The following NRXN3 variants were observed in gnomAD, a reference collection of about 807,000 sequenced individuals.
The protein encoded by NRXN3 is neurexin III.
Under a neutral mutation model 137.6 loss-of-function variants are expected in NRXN3, and 32 were observed. The ratio of observed to expected loss-of-function variants is 0.23; its 90% CI spans 0.18 to 0.31. The LOEUF (loss-of-function observed/expected upper bound fraction) is 0.31, where lower values mean the gene tolerates loss of function less well. Among genes scored for constraint, NRXN3 ranks in the 10% least tolerant of loss-of-function variants. The probability of loss-of-function intolerance (pLI) is 1.00; values close to 1 mark genes in which losing one functional copy is unlikely to be tolerated. For missense variants in NRXN3, 1,574 were observed against 2,062.5 expected (o/e 0.76, Z 4.59); for synonymous variants, 798 against 784.5 (o/e 1.02, Z -0.29).
chr14:79,128,617 A>G (rs907956289), intron 15 of NRXN3, among the ~76,000 whole-genome samples: 2 of 152,050 alleles, frequency 1.3e-5, no homozygotes, highest in African/African-American at 4.8e-5. Flanking sequence ...ATGTTCATCA[A>G]GGATATTGGT....
chr14:79,678,669 T>C (rs543116044), intron 17 of NRXN3, among the ~76,000 whole-genome samples: 11 of 152,294 alleles, frequency 7.2e-5, no homozygotes, highest in Middle Eastern at 6.8e-3. Flanking sequence ...CCAAGAAGAC[T>C]GCAGGCTTTC....
chr14:79,375,900 A>G (rs1040879981), intron 15 of NRXN3, among the ~76,000 whole-genome samples: 15 of 151,792 alleles, frequency 9.9e-5, no homozygotes, highest in Admixed American at 7.2e-4. Flanking sequence ...ATTCCCAATC[A>G]AGGCATTCTA....
intron 16 of NRXN3, among the ~76,000 whole-genome samples, chr14:79,508,389 G>GTTTTTTTTTTTTTTTTTTTTTTTTTT (rs1567328889): frequency 1.6e-4 from 2 of 12,558 alleles, no homozygotes; most frequent in South Asian, 4.2e-3. Flanking sequence ...AACAATAACT[G>GTTTTTTTTTTTTTTTTTTTTTTTTTT]ATTTTTTTTT....
chr14:78,714,833 A>G lies in NRXN3; in HGVS notation c.1738A>G (p.Met580Val), dbSNP rs765982740. 1.4e-5 allele frequency: 23 copies of G among 1,614,078 alleles called. No individual in the cohort carries two copies. Among genetic ancestry groups the G allele is most frequent in the Non-Finnish European group, 1.9e-5 (22 of 1,180,030 alleles). The change falls in exon 8 of 21, where the codon ATG becomes GTG. Residue 580 changes from methionine (M) to valine (V), a missense_variant. Coordinates refer to ENST00000335750, the MANE Select transcript of NRXN3 (RefSeq NM_001330195.2). ...CGAGATCCTGGACCTGGAAGGAGAC[A>G]TGTACCTGGGAGGGCTGCCGGAGAA... is the stretch of plus-strand genomic sequence containing the variant. ...ESEILDLEGD[M>V]YLGGLPENRA... is the part of the protein sequence containing the mutation.
chr14:78,238,921 A>T lies in NRXN3; in HGVS notation c.-703-3470A>T, dbSNP rs746529133. 3.2e-4 allele frequency among the ~76,000 whole-genome samples: 49 copies of T among 152,284 alleles called. No individual in the cohort carries two copies. The Middle Eastern group carries it at 0.014, about 42-fold the overall frequency. On this transcript the variant is annotated intron_variant, in intron 1 of 20. Transcript: ENST00000335750. ...TGCCCATGATCTTCCCCCACAAGGGAATGTTTCTGGGCAGCAGAGTTTTTC... is the reference window on the plus strand; with the variant it reads ...TGCCCATGATCTTCCCCCACAAGGGTATGTTTCTGGGCAGCAGAGTTTTTC...
chr14:79,317,559 G>A (rs568895296), intron 15 of NRXN3, among the ~76,000 whole-genome samples: 4 of 152,172 alleles, frequency 2.6e-5, no homozygotes, highest in African/African-American at 7.2e-5. Context: ...GTCACACTCC[G>A]AGGTACTGGG....
At chr14:79,033,579 T>C (rs1226148061) in intron 15 of NRXN3, among the ~76,000 whole-genome samples, 1 of 152,090 alleles carries the variant, frequency 6.6e-6, no homozygotes, top group Non-Finnish European at 1.5e-5. Context: ...CCTAAAGAGT[T>C]ATATTTTGAT....
chr14:79,737,883 A>G (rs1289582633), intron 19 of NRXN3, among the ~76,000 whole-genome samples: 8 of 152,160 alleles, frequency 5.3e-5, no homozygotes. Flanking sequence ...TTACAAAAGT[A>G]TTCTAACAAT....
chr14:78,800,030 GAAGA>G (rs1327024887), intron 8 of NRXN3, among the ~76,000 whole-genome samples: 5 of 152,238 alleles, frequency 3.3e-5, no homozygotes, highest in African/African-American at 1.2e-4. Context: ...AATCTGAATA[GAAGA>G]AATAAAAATT....
intron 15 of NRXN3, among the ~76,000 whole-genome samples, chr14:79,324,576 G>A (rs2090567464): frequency 2.0e-5 from 3 of 152,198 alleles, no homozygotes. Flanking sequence ...TATGTTTAGA[G>A]ATGAATTAGG....
At chr14:78,215,620 A>T (rs1192020569) in intron 1 of NRXN3, among the ~76,000 whole-genome samples, 7 of 152,150 alleles carry the variant, frequency 4.6e-5, no homozygotes, top group Middle Eastern at 3.2e-3. Context: ...GGAGGTCTTT[A>T]TAAAGAGAAG....
chr14:78,612,064 A>G (rs1347082421), intron 4 of NRXN3, among the ~76,000 whole-genome samples: 1 of 152,220 alleles, frequency 6.6e-6, no homozygotes, highest in Non-Finnish European at 1.5e-5. Context: ...GGTGGCCAAC[A>G]GCTTTCTGTT....
intron 10 of NRXN3, among the ~76,000 whole-genome samples, chr14:78,906,854 C>T (rs1197211784): frequency 1.3e-5 from 2 of 151,234 alleles, no homozygotes; most frequent in African/African-American, 4.9e-5. Flanking sequence ...TTTTTTTCTG[C>T]CAAAACTTTT....
chr14:79,046,426 A>G (rs1484219469), intron 15 of NRXN3, among the ~76,000 whole-genome samples: 1 of 152,210 alleles, frequency 6.6e-6, no homozygotes, highest in Non-Finnish European at 1.5e-5. Context: ...CTTAAAGATT[A>G]TGGTCTTCAA....
intron 10 of NRXN3, among the ~76,000 whole-genome samples, chr14:78,877,579 C>T (rs2099116836): frequency 6.6e-6 from 1 of 152,204 alleles, no homozygotes; most frequent in Non-Finnish European, 1.5e-5. Context: ...TTGTCCCACA[C>T]AGTGCATAAC....
intron 15 of NRXN3, among the ~76,000 whole-genome samples, chr14:79,080,799 G>A (rs1189021033): frequency 6.6e-6 from 1 of 152,092 alleles, no homozygotes; most frequent in Non-Finnish European, 1.5e-5. Context: ...CGCTTGCCAT[G>A]GTCTTTGTTT....
At chr14:79,071,935 A>G (rs991025900) in intron 15 of NRXN3, among the ~76,000 whole-genome samples, 7 of 152,218 alleles carry the variant, frequency 4.6e-5, no homozygotes, top group Non-Finnish European at 1.0e-4. Flanking sequence ...TGCCCCATAA[A>G]TATGTACACC....
chr14:78,197,137 C>T (rs1038942138), intron 1 of NRXN3, among the ~76,000 whole-genome samples: 1 of 152,226 alleles, frequency 6.6e-6, no homozygotes, highest in African/African-American at 2.4e-5. Context: ...CCTTTGAGCT[C>T]TGCCCGTGGC....
chr14:78,519,819 A>T (rs1005968230), intron 4 of NRXN3, among the ~76,000 whole-genome samples: 4 of 152,200 alleles, frequency 2.6e-5, no homozygotes, highest in Non-Finnish European at 5.9e-5. Context: ...ATGTATGAAG[A>T]CACAGAAGAC....
Sources: allele counts gnomAD v4.1 joint callset (sites outside exome capture counted in the v4.1 genomes callset), GRCh38; gene constraint gnomAD v4.1.1; transcripts MANE v1.5; gene names NCBI Gene and HGNC (gene_info 2026-07-23, HGNC 2026-07-21).